ZFHX3: variants seen among roughly 807,000 people sequenced by gnomAD.
The protein encoded by ZFHX3 is zinc finger homeobox 3.
A neutral mutation model predicts 279.1 loss-of-function variants in ZFHX3; 42 were observed. That is an observed-to-expected ratio of 0.15 (90% CI 0.12 to 0.19). ZFHX3 has a LOEUF of 0.19. ZFHX3 is among the 10% of genes least tolerant of loss of function. The pLI is 1.00. For synonymous variants in ZFHX3, 2,293 were observed against 1,957.8 expected (o/e 1.17, Z -4.52); for missense variants, 4,981 against 4,754.0 (o/e 1.05, Z -1.40).
At chr16:73,198,608 T>A (rs1313326955) in intron 5 of ZFHX3, among the ~76,000 whole-genome samples, 1 of 152,184 alleles carries the variant, frequency 6.6e-6, no homozygotes, top group African/African-American at 2.4e-5. Context: ...ATCATTTAGA[T>A]GAGTTCTTGG....
At chr16:73,279,300 G>C (rs59972554) in intron 4 of ZFHX3, among the ~76,000 whole-genome samples, 21,135 of 151,956 alleles carry the variant, frequency 0.14, 1,528 homozygotes, top group East Asian at 0.2. Context: ...TACGATATCT[G>C]TCGTAAGTAA....
At chr16:72,936,098 C>T (rs1960109485) in intron 3 of ZFHX3, among the ~76,000 whole-genome samples, 1 of 152,188 alleles carries the variant, frequency 6.6e-6, no homozygotes, top group Admixed American at 6.5e-5. Flanking sequence ...GGGGTCAGTA[C>T]AGGAACAGAG....
intron 1 of ZFHX3, among the ~76,000 whole-genome samples, chr16:73,712,444 T>C (rs1377767462): frequency 6.6e-6 from 1 of 152,162 alleles, no homozygotes; most frequent in East Asian, 1.9e-4. Flanking sequence ...CCTGCCCAGG[T>C]TGCAGGCTAA....
intron 4 of ZFHX3, among the ~76,000 whole-genome samples, chr16:73,298,624 G>A (rs913841129): frequency 6.6e-6 from 1 of 152,052 alleles, no homozygotes; most frequent in Non-Finnish European, 1.5e-5. Flanking sequence ...TTACCAAGTG[G>A]TGCAGTGGCC....
At chr16:72,961,633 T>A (rs1339071918) in intron 1 of ZFHX3, among the ~76,000 whole-genome samples, 1 of 151,690 alleles carries the variant, frequency 6.6e-6, no homozygotes, top group Non-Finnish European at 1.5e-5. Flanking sequence ...CTCAATCTTT[T>A]TTTTTTTTCA....
At chr16:73,673,565 T>C (rs2052924592) in intron 2 of ZFHX3, among the ~76,000 whole-genome samples, 1 of 146,086 alleles carries the variant, frequency 6.8e-6, no homozygotes, top group African/African-American at 2.5e-5. Context: ...TGTCTCAAGA[T>C]TAGGCAAGAA....
exon 6 of ZFHX3, chr16:73,143,820 A>G (rs1158732983): frequency 3.9e-6 from 5 of 1,297,470 alleles, no homozygotes; most frequent in East Asian, 5.6e-5. Context: ...GTTGTAACTT[A>G]TATCTTCCGA....
At chr16:72,915,332 G>T (rs922956670) in intron 3 of ZFHX3, among the ~76,000 whole-genome samples, 14 of 152,186 alleles carry the variant, frequency 9.2e-5, no homozygotes, top group African/African-American at 3.4e-4. Context: ...GCAGACAGCA[G>T]ATCTTCCATC....
intron 1 of ZFHX3, among the ~76,000 whole-genome samples, chr16:73,854,927 G>T (rs1411628710): frequency 6.6e-6 from 1 of 151,374 alleles, no homozygotes; most frequent in African/African-American, 2.4e-5. Flanking sequence ...CAAACTCAAG[G>T]GGACATGTAT....
chr16:73,507,294 C>T (rs1221283684), intron 2 of ZFHX3, among the ~76,000 whole-genome samples: 1 of 152,102 alleles, frequency 6.6e-6, no homozygotes, highest in Non-Finnish European at 1.5e-5. Flanking sequence ...ACTGTATACA[C>T]ATAGGATAGA....
At chr16:73,631,172 G>A (rs1403562516) in intron 2 of ZFHX3, among the ~76,000 whole-genome samples, 3 of 152,146 alleles carry the variant, frequency 2.0e-5, no homozygotes, top group Non-Finnish European at 2.9e-5. Flanking sequence ...TGAATTTTAG[G>A]TGTGAATTTT....
intron 2 of ZFHX3, chr16:73,609,891 A>G (rs1006051656): frequency 2.6e-5 from 4 of 152,332 alleles, no homozygotes; most frequent in South Asian, 4.1e-4. Flanking sequence ...TGTTACTCCA[A>G]TTGGTCAATC....
In ZFHX3 at chr16:72,797,673, C is replaced by G; in HGVS notation, c.5009G>C (p.Ser1670Thr). The stretch of plus-strand genomic sequence containing the variant: ...GTTAGAGCTTGGAGCAATGCCAGCA[C>G]TGCTTGGATTGGAGGTGGTAAAGGT... ...SNTFTTSNPS[S>T]AGIAPSSNLL... Residue 1670 changes from serine (S) to threonine (T), a missense_variant, in exon 9 of 10, where the codon AGT (serine) becomes ACT (threonine). Physicochemically the swap from Ser to Thr is moderately conservative, Grantham distance 58 (BLOSUM62 1). Transcript: ENST00000268489. 1 of 1,614,186 alleles carries G rather than the reference C, an allele frequency of 6.2e-7. No individual in the cohort carries two copies. The highest frequency in any genetic ancestry group is 1.1e-5 in the South Asian group (1 of 91,082).
intron 1 of ZFHX3, among the ~76,000 whole-genome samples, chr16:73,838,594 G>A (rs1468821494): frequency 6.6e-6 from 1 of 152,158 alleles, no homozygotes; most frequent in Non-Finnish European, 1.5e-5. Context: ...TGAAAGGTGA[G>A]CTTTCCCATT....
chr16:72,855,007 G>A (rs1378437597), intron 4 of ZFHX3, among the ~76,000 whole-genome samples: 3 of 152,030 alleles, frequency 2.0e-5, no homozygotes, highest in Non-Finnish European at 4.4e-5. Flanking sequence ...TCCATCTGAG[G>A]GCAATGGGGA....
chr16:73,595,557 C>T (rs2052039910), intron 2 of ZFHX3, among the ~76,000 whole-genome samples: 1 of 152,154 alleles, frequency 6.6e-6, no homozygotes, highest in Admixed American at 6.5e-5. Context: ...TGGGCTGGGC[C>T]TTTGTCCATT....
chr16:72,915,513 C>G (rs2039422799), intron 3 of ZFHX3, among the ~76,000 whole-genome samples: 1 of 152,166 alleles, frequency 6.6e-6, no homozygotes, highest in African/African-American at 2.4e-5. Flanking sequence ...ACTTGTAACC[C>G]CGGCACTCCT....
At chr16:73,479,941 G>C (rs995523226) in intron 2 of ZFHX3, among the ~76,000 whole-genome samples, 2 of 152,162 alleles carry the variant, frequency 1.3e-5, no homozygotes, top group Non-Finnish European at 2.9e-5. Flanking sequence ...GGCATGGGGA[G>C]GTTAAAAGCT....
intron 6 of ZFHX3, chr16:73,134,494 C>G (rs561839797): frequency 6.6e-6 from 1 of 151,426 alleles, no homozygotes; most frequent in South Asian, 2.1e-4. Flanking sequence ...CCACACCCAG[C>G]TAACTAAACA....
Sources: allele counts gnomAD v4.1 joint callset (sites outside exome capture counted in the v4.1 genomes callset), GRCh38; gene constraint gnomAD v4.1.1; transcripts MANE v1.5; gene names NCBI Gene and HGNC (gene_info 2026-07-23, HGNC 2026-07-21).